The following LRP2 variants were observed in gnomAD, a reference collection of about 807,000 sequenced individuals.
LRP2 encodes the protein low-density lipoprotein receptor-related protein 2.
LRP2 carries 172 observed loss-of-function variants against 531.0 expected under a neutral mutation model. The observed-to-expected ratio is 0.32, with a 90% CI of 0.29 to 0.37. LRP2 has a LOEUF of 0.37. Ranked by LOEUF, LRP2 falls within the 10% of genes least tolerant of loss-of-function variation. The pLI is 1.00. For synonymous variants in LRP2, 1,992 were observed against 2,027.6 expected (o/e 0.98, Z 0.47); for missense variants, 5,167 against 5,868.3 (o/e 0.88, Z 3.90).
At chr2:169,238,329 T>C (rs1689680983) in intron 26 of LRP2, 27 bp from the exon 27 acceptor site, 3 of 1,446,810 alleles carry the variant, frequency 2.1e-6, no homozygotes, top group Non-Finnish European at 1.9e-6. Context: ...TGCAAAAATG[T>C]CAATGATACT....
At chr2:169,312,369 C>T (rs1684637066) in intron 3 of LRP2, among the ~76,000 whole-genome samples, 1 of 152,168 alleles carries the variant, frequency 6.6e-6, no homozygotes, top group Non-Finnish European at 1.5e-5. Flanking sequence ...TTTAGTGCTT[C>T]CTTCAGGATT....
rs1379620114 is a variant in LRP2 at position 169,220,708 on chromosome 2, T to C, written c.5539-145A>G. ...GGATTTGCATGAGATTCAGATAATC[T>C]ATATTGCACTTCAGGGAAATGAGGA... On this transcript the variant is annotated intron_variant, in intron 33 of 78. Coordinates refer to ENST00000649046, the MANE Select transcript of LRP2 (RefSeq NM_004525.3). 9 of 664,348 alleles carry C rather than the reference T, an allele frequency of 1.4e-5. No homozygotes were observed. In the Admixed American group the frequency reaches 2.0e-4, roughly 15 times the overall value. The allele number at this position is 664,348 out of a possible 1,614,324, so 41.2% of individuals were successfully genotyped here.
intron 4 of LRP2, among the ~76,000 whole-genome samples, chr2:169,300,480 T>A (rs4667600): frequency 0.23 from 35,051 of 151,652 alleles, 4,429 homozygotes; most frequent in Admixed American, 0.39. Context: ...GTAAAAAAAA[T>A]TTTTTTAAAG....
intron 1 of LRP2, among the ~76,000 whole-genome samples, chr2:169,347,481 C>T (rs1342519253): frequency 1.3e-5 from 2 of 151,492 alleles, no homozygotes; most frequent in African/African-American, 2.4e-5. Flanking sequence ...TAAACAACAA[C>T]AACCTCTGAA....
chr2:169,318,915 G>T (rs1414056299), intron 2 of LRP2, 31 bp from the exon 3 acceptor site: 1 of 1,613,518 alleles, frequency 6.2e-7, no homozygotes, highest in African/African-American at 1.3e-5. Context: ...ACTCATTATG[G>T]CAATCATCCT....
intron 14 of LRP2, among the ~76,000 whole-genome samples, chr2:169,273,963 A>G (rs775909259): frequency 3.3e-5 from 5 of 152,124 alleles, no homozygotes; most frequent in African/African-American, 7.2e-5. Context: ...CAGATAAAAT[A>G]TCTATTTTTA....
intron 1 of LRP2, among the ~76,000 whole-genome samples, chr2:169,331,850 A>G (rs1685279135): frequency 6.6e-6 from 1 of 152,224 alleles, no homozygotes; most frequent in Admixed American, 6.5e-5. Flanking sequence ...TTTGATTAGC[A>G]ATATAAATTA....
Position 169,332,181 on chromosome 2 carries a change from G to A in LRP2, c.80-11297C>T, listed in dbSNP as rs575305347. 1.7e-4 allele frequency among the ~76,000 whole-genome samples: 26 copies of A among 152,322 alleles called. No homozygotes were observed. The South Asian group carries it at 5.2e-3, about 30-fold the overall frequency. On this transcript the variant is annotated intron_variant, in intron 1 of 78. Coordinates refer to ENST00000649046, the MANE Select transcript of LRP2 (RefSeq NM_004525.3). ...CTGCAAATTATGACAATAGCAACAA[G>A]AAGAGAAGAAATTGACTCTCAATTG...
At chr2:169,195,141 T>C (rs995027603) in intron 46 of LRP2, among the ~76,000 whole-genome samples, 1 of 152,070 alleles carries the variant, frequency 6.6e-6, no homozygotes, top group Non-Finnish European at 1.5e-5. Context: ...AGTGAAAAAA[T>C]GGAAACAACC....
Position 169,206,324 on chromosome 2 carries a change from A to G in LRP2, c.7390+6T>C. 1 of 1,613,964 alleles carries G rather than the reference A, an allele frequency of 6.2e-7. No individual in the cohort carries two copies. The highest frequency in any genetic ancestry group is 8.5e-7 in the Non-Finnish European group (1 of 1,179,914). On this transcript the variant is annotated splice_donor_region_variant and intron_variant, in intron 39 of 78. Transcript: ENST00000649046. ...GCAGGACAAGCAGCACCTGGAGTGC[A>G]CTTACCTGAAGCAATGACAGTTGGA... is the stretch of plus-strand genomic sequence containing the variant.
intron 76 of LRP2, among the ~76,000 whole-genome samples, chr2:169,134,648 C>T (rs529142756): frequency 1.8e-4 from 27 of 152,264 alleles, no homozygotes; most frequent in African/African-American, 4.8e-4. Flanking sequence ...CTCAGCAAGC[C>T]GAACTCATTG....
At chr2:169,212,302 T>C (rs1416261455) in intron 36 of LRP2, 95 bp from the exon 37 acceptor site, 10 of 1,488,850 alleles carry the variant, frequency 6.7e-6, no homozygotes, top group South Asian at 1.1e-5. Flanking sequence ...TAATTTATTC[T>C]AAAAATTAAT....
intron 1 of LRP2, among the ~76,000 whole-genome samples, chr2:169,328,459 A>AAAAG (rs1685181057): frequency 7.8e-6 from 1 of 128,086 alleles, no homozygotes; most frequent in Admixed American, 7.6e-5. Flanking sequence ...AAAAAAAAAA[A>AAAAG]AAAAAGAAAA....
In LRP2 at chr2:169,255,998, A is replaced by C. The variant is rs573387074; in HGVS notation, c.2770+108T>G. On this transcript the variant is annotated intron_variant, in intron 19 of 78. Coordinates refer to ENST00000649046, the MANE Select transcript of LRP2 (RefSeq NM_004525.3). ...CACCATTTTAAATTTTTTCATTTTA[A>C]AGTGGCCAGCTTTTCTGGGATTGTG... 1,324 of 1,218,648 alleles carry C rather than the reference A, an allele frequency of 1.1e-3. 28 individuals are homozygous for C. The South Asian group carries it at 0.016, about 15-fold the overall frequency. 75.5% of individuals were successfully genotyped at this position (1,218,648 alleles called of 1,614,324 possible). A position where few individuals can be genotyped will look rare whatever the true frequency, so the allele number is the denominator to read the frequency against.
chr2:169,147,992 T>C (rs72874703), intron 68 of LRP2, among the ~76,000 whole-genome samples: 4,232 of 152,274 alleles, frequency 0.028, 70 homozygotes, highest in African/African-American at 0.049. Context: ...ATATGTCCTA[T>C]GGGCCATATT....
At chr2:169,294,063 G>A in intron 6 of LRP2, 85 bp downstream of exon 6, 1 of 898,776 alleles carries the variant, frequency 1.1e-6, no homozygotes, top group Non-Finnish European at 1.9e-6. Flanking sequence ...ACATTGGTGG[G>A]GGAGCGGGGG....
At chr2:169,344,288 G>A (rs1028071961) in intron 1 of LRP2, among the ~76,000 whole-genome samples, 1 of 146,342 alleles carries the variant, frequency 6.8e-6, no homozygotes, top group Non-Finnish European at 1.5e-5. Flanking sequence ...ACCCCCAGCA[G>A]GCCCCAGTGT....
chr2:169,353,780 C>T (rs944260740), intron 1 of LRP2, among the ~76,000 whole-genome samples: 3 of 152,150 alleles, frequency 2.0e-5, no homozygotes, highest in Non-Finnish European at 4.4e-5. Flanking sequence ...CACTTGAGCT[C>T]AGGGGTTTGA....
chr2:169,138,489 G>T, intron 75 of LRP2, 88 bp downstream of exon 75: 1 of 1,433,538 alleles, frequency 7.0e-7, no homozygotes, highest in Non-Finnish European at 9.6e-7. Context: ...CTGTATTTCA[G>T]TCTTCTCTAG....
Sources: allele counts gnomAD v4.1 joint callset (sites outside exome capture counted in the v4.1 genomes callset), GRCh38; gene constraint gnomAD v4.1.1; transcripts MANE v1.5; gene names NCBI Gene and HGNC (gene_info 2026-07-23, HGNC 2026-07-21).